The following RNF135 variants were observed in gnomAD, a reference collection of about 807,000 sequenced individuals.
RNF135 encodes the protein E3 ubiquitin-protein ligase RNF135.
A neutral mutation model predicts 41.9 loss-of-function variants in RNF135; 46 were observed. That is an observed-to-expected ratio of 1.10 (90% CI 0.87 to 1.40). RNF135 has a LOEUF of 1.40. Among genes scored for constraint, RNF135 ranks in the 40% most tolerant of loss-of-function variants. The pLI is 0.00. For missense variants in RNF135, 539 were observed against 549.8 expected, an observed-to-expected ratio of 0.98 and a Z score of 0.20; for synonymous variants, 238 against 223.8, an observed-to-expected ratio of 1.06 and a Z score of -0.57.
chr17:30,982,148 C>T (rs1005803714), intron 1 of RNF135, among the ~76,000 whole-genome samples: 4 of 152,228 alleles, frequency 2.6e-5, no homozygotes, highest in Non-Finnish European at 5.9e-5. Context: ...TTCACCCAGG[C>T]TCGGGGCCGG....
rs1290591579 is a variant in RNF135, at chr17:30,971,051, C to T, written c.-23C>T. 2.6e-6 allele frequency: 4 copies of T among 1,529,502 alleles called. No individual in the cohort carries two copies. The Admixed American group carries it at 7.9e-5, about 30-fold the overall frequency. 94.7% of individuals were successfully genotyped at this position (1,529,502 alleles called of 1,614,324 possible). ...ACTCGCCCGGCTCAACCCCGACGTC[C>T]GCGCCCCGGCCGCCTGTTGGCCATG... is the stretch of plus-strand genomic sequence containing the variant. On this transcript the variant is annotated 5_prime_UTR_variant, in exon 1 of 5. Coordinates refer to ENST00000328381, the MANE Select transcript of RNF135 (RefSeq NM_032322.4).
At chr17:30,984,312 G>A (rs1907430315) in intron 1 of RNF135, among the ~76,000 whole-genome samples, 1 of 152,044 alleles carries the variant, frequency 6.6e-6, no homozygotes, top group Non-Finnish European at 1.5e-5. Context: ...GATCCATTTT[G>A]AGTTAGTTTT....
chr17:30,960,220 C>T, the RNF135 span, among the ~76,000 whole-genome samples: 7 of 151,680 alleles, frequency 4.6e-5, no homozygotes, highest in South Asian at 6.2e-4. Flanking sequence ...GGTGAAACCC[C>T]GTCTCTACTA....
At chr17:30,981,622 C>T (rs2142698397) in intron 1 of RNF135, among the ~76,000 whole-genome samples, 1 of 152,304 alleles carries the variant, frequency 6.6e-6, no homozygotes, top group Non-Finnish European at 1.5e-5. Context: ...GGATGTTTGT[C>T]AGTGCCTGGG....
In RNF135 at chr17:30,983,353, A is replaced by ATATATATATATTTT. The variant is rs1420453160; in HGVS notation, c.373-1263_373-1262insATATATATATTTTT. Among the ~76,000 whole-genome samples the ATATATATATATTTT allele has an allele frequency of 1.3e-3, 47 of 35,722 alleles. 1 individual carries two copies. The highest frequency in any genetic ancestry group is 1.8e-3 in the East Asian group (2 of 1,130). The allele number at this position is 35,722 out of a possible 152,430, so 23.4% of individuals were successfully genotyped here. A position where few individuals can be genotyped will look rare whatever the true frequency, so the allele number is the denominator to read the frequency against. ...TATATATATATATATATATATATAT[A>ATATATATATATTTT]TTTTTTTTTTTTTTTTTTGAGATGG... On this transcript the variant is annotated intron_variant, in intron 1 of 4. Transcript: ENST00000328381.
At chr17:30,985,968 G>T (rs1345028799) in intron 2 of RNF135, among the ~76,000 whole-genome samples, 2 of 152,076 alleles carry the variant, frequency 1.3e-5, no homozygotes, top group Non-Finnish European at 2.9e-5. Context: ...CATCACTTAG[G>T]TAATACTTGC....
upstream of RNF135, among the ~76,000 whole-genome samples, chr17:30,967,956 C>T (rs1219292770): frequency 3.9e-5 from 6 of 151,988 alleles, no homozygotes; most frequent in Admixed American, 1.3e-4. Flanking sequence ...TGAGCCACCG[C>T]ACTCGGCCAA....
intron 1 of RNF135, chr17:30,980,205 G>GA: frequency 7.2e-6 from 1 of 139,294 alleles, no homozygotes; most frequent in Non-Finnish European, 1.6e-5. Flanking sequence ...TGGCCGGGCG[G>GA]GGGGCTGACC....
At chr17:30,973,671 G>C (rs1906197616) in intron 1 of RNF135, among the ~76,000 whole-genome samples, 1 of 151,946 alleles carries the variant, frequency 6.6e-6, no homozygotes, top group South Asian at 2.1e-4. Context: ...TTTCACTGTG[G>C]GCCAGGCTGG....
intron 1 of RNF135, chr17:30,975,921 A>T (rs1228535141): frequency 1.7e-6 from 1 of 587,022 alleles, no homozygotes; most frequent in Non-Finnish European, 3.2e-6. Flanking sequence ...TTCAATTCTG[A>T]CTCTTCTGCC....
intron 1 of RNF135, among the ~76,000 whole-genome samples, chr17:30,982,515 AC>A (rs1379787528): frequency 6.6e-6 from 1 of 152,146 alleles, no homozygotes; most frequent in Non-Finnish European, 1.5e-5. Context: ...GCAATTCAAG[AC>A]TGTTTCTCCT....
chr17:30,990,448 C>T (rs556914209), intron 3 of RNF135, among the ~76,000 whole-genome samples: 5 of 152,026 alleles, frequency 3.3e-5, no homozygotes, highest in African/African-American at 9.7e-5. Flanking sequence ...TGCTTGAACC[C>T]GGGAGGCAGA....
At chr17:30,976,787 T>C (rs1383540732) in intron 1 of RNF135, among the ~76,000 whole-genome samples, 2 of 152,216 alleles carry the variant, frequency 1.3e-5, no homozygotes, top group African/African-American at 2.4e-5. Flanking sequence ...TCCATTGGCA[T>C]GGGATATATT....
chr17:30,970,584 A>T (rs117972658), upstream of RNF135: 4,074 of 162,420 alleles, frequency 0.025, 63 homozygotes, highest in Non-Finnish European at 0.04. Context: ...GTGGCTGTGC[A>T]TCGGTGATCT....
At chr17:30,987,810 G>C in intron 2 of RNF135, 134 bp from the exon 3 acceptor site, 1 of 781,090 alleles carries the variant, frequency 1.3e-6, no homozygotes, top group East Asian at 2.7e-5. Context: ...ATTTTTTGAG[G>C]GCCTAATTTT....
rs772168227 is a variant in RNF135 at position 30,997,320 on chromosome 17, G to A, written c.758G>A (p.Arg253Gln). Reference sequence around the variant, plus strand: ...CACCCTGCACTCAGGAGAGCTTCTCGGTTTGCTCAGTGTAAGTATGTGGTC... The same window carrying A: ...CACCCTGCACTCAGGAGAGCTTCTCAGTTTGCTCAGTGTAAGTATGTGGTC... ...QSHPALRRASRFAQWAIHPTF... is the reference protein window; with the variant it reads ...QSHPALRRASQFAQWAIHPTF... Residue 253 changes from arginine to glutamine, a missense_variant, in exon 4 of 5, where the codon CGG becomes CAG. Physicochemically the swap from Arg to Gln is conservative, Grantham distance 43. Transcript: ENST00000328381. The A allele has an allele frequency of 2.2e-5, 35 of 1,613,822 alleles. No homozygotes were observed. The highest frequency in any genetic ancestry group is 9.3e-5 in the African/African-American group (7 of 74,904).
At chr17:30,959,426 T>C in the RNF135 span, 3 of 152,238 alleles carry the variant, frequency 2.0e-5, no homozygotes, top group Non-Finnish European at 4.4e-5. Flanking sequence ...AGGAAGTTTC[T>C]ATTACTTGAA....
At chr17:30,982,821 C>T (rs540033572) in intron 1 of RNF135, among the ~76,000 whole-genome samples, 111 of 152,272 alleles carry the variant, frequency 7.3e-4, no homozygotes, top group African/African-American at 2.5e-3. Flanking sequence ...ATTTCCATAA[C>T]TTTAAAAAAT....
At chr17:30,981,322 T>C (rs1400639676) in intron 1 of RNF135, among the ~76,000 whole-genome samples, 1 of 136,808 alleles carries the variant, frequency 7.3e-6, no homozygotes, top group African/African-American at 3.5e-5. Flanking sequence ...ACCGTCCAGC[T>C]TTGGCTCAGC....
Sources: allele counts gnomAD v4.1 joint callset (sites outside exome capture counted in the v4.1 genomes callset), GRCh38; gene constraint gnomAD v4.1.1; transcripts MANE v1.5; gene names NCBI Gene and HGNC (gene_info 2026-07-23, HGNC 2026-07-21).